The following FMN1 variants were observed in gnomAD, a reference collection of about 807,000 sequenced individuals.
The protein encoded by FMN1 is formin 1, also known as formin-1.
FMN1 carries 110 observed loss-of-function variants against 132.4 expected under a neutral mutation model. The ratio of observed to expected loss-of-function variants is 0.83; its 90% CI spans 0.71 to 0.97. FMN1 has a LOEUF of 0.97. Among genes scored for constraint, FMN1 ranks in the 50% least tolerant of loss-of-function variants. The pLI is 0.00. For missense variants in FMN1, 1,792 were observed against 1,705.3 expected (o/e 1.05, Z -0.90); for synonymous variants, 722 against 651.7 (o/e 1.11, Z -1.64).
At chr15:32,978,763 C>G (rs1168040390) in intron 7 of FMN1, among the ~76,000 whole-genome samples, 1 of 152,160 alleles carries the variant, frequency 6.6e-6, no homozygotes, top group Non-Finnish European at 1.5e-5. Context: ...TGTCTATAAA[C>G]GGATACTATC....
At chr15:33,170,598 A>G (rs1306741652) in intron 3 of FMN1, among the ~76,000 whole-genome samples, 1 of 152,004 alleles carries the variant, frequency 6.6e-6, no homozygotes, top group Middle Eastern at 3.2e-3. Flanking sequence ...AAGGACAAGA[A>G]TATTTCTCAA....
chr15:33,176,142 A>T (rs1171269417), intron 3 of FMN1, among the ~76,000 whole-genome samples: 2 of 152,096 alleles, frequency 1.3e-5, no homozygotes, highest in Admixed American at 6.5e-5. Flanking sequence ...TGGGAGGCCG[A>T]GGAGGGTGGA....
chr15:32,820,000 A>G (rs1371807237), intron 17 of FMN1, among the ~76,000 whole-genome samples: 6 of 152,244 alleles, frequency 3.9e-5, no homozygotes, highest in Admixed American at 6.5e-5. Flanking sequence ...CTGAATAATA[A>G]GTCCAGCTAC....
At chr15:32,806,916 C>G (rs1054992183) in intron 17 of FMN1, among the ~76,000 whole-genome samples, 3 of 152,198 alleles carry the variant, frequency 2.0e-5, no homozygotes, top group African/African-American at 7.2e-5. Context: ...CTTCCATAGC[C>G]TTCCCACAGC....
chr15:32,890,576 C>G (rs1249672782), intron 15 of FMN1, among the ~76,000 whole-genome samples: 1 of 152,196 alleles, frequency 6.6e-6, no homozygotes, highest in Non-Finnish European at 1.5e-5. Context: ...CTTTTGGGAA[C>G]TGTCCATTCA....
chr15:32,934,927 CTTTTTT>C lies in FMN1; in HGVS notation c.3139-8672_3139-8667del, dbSNP rs71309472. On this transcript the variant is annotated intron_variant, in intron 9 of 20. Transcript: ENST00000616417. ...TGGCCAAAAGACAATTTTTCTTTTT[CTTTTTT>C]TTTTTTTGAGACACAGTCTTGCTCT... 7.0e-4 allele frequency among the ~76,000 whole-genome samples: 99 copies of C among 141,432 alleles called. No individual in the cohort carries two copies. In the Middle Eastern group the frequency reaches 0.028, roughly 40 times the overall value. 92.8% of individuals were successfully genotyped at this position (141,432 alleles called of 152,430 possible).
chr15:32,911,086 C>G (rs777402984), intron 10 of FMN1, among the ~76,000 whole-genome samples: 1 of 152,136 alleles, frequency 6.6e-6, no homozygotes, highest in Non-Finnish European at 1.5e-5. Context: ...TTATGGAAAC[C>G]TCCCATGAGC....
At chr15:33,148,312 T>A (rs1259039925) in intron 4 of FMN1, among the ~76,000 whole-genome samples, 1 of 152,178 alleles carries the variant, frequency 6.6e-6, no homozygotes, top group Non-Finnish European at 1.5e-5. Flanking sequence ...TAGACGTCAT[T>A]CTACCGAAGT....
At chr15:32,936,189 G>T in intron 9 of FMN1, among the ~76,000 whole-genome samples, 1 of 151,944 alleles carries the variant, frequency 6.6e-6, no homozygotes, top group South Asian at 2.1e-4. Context: ...TGAATTATTT[G>T]TCAAGTAATT....
intron 6 of FMN1, among the ~76,000 whole-genome samples, chr15:33,057,013 T>C (rs1432962074): frequency 1.3e-5 from 2 of 151,998 alleles, no homozygotes; most frequent in Non-Finnish European, 2.9e-5. Flanking sequence ...CCATCTCTAC[T>C]AGAAATACAA....
intron 16 of FMN1, among the ~76,000 whole-genome samples, chr15:32,879,551 C>T (rs1486223543): frequency 1.3e-5 from 2 of 152,182 alleles, no homozygotes. Context: ...TGCAAGGCCT[C>T]TCAGGAATTT....
intron 4 of FMN1, among the ~76,000 whole-genome samples, chr15:33,128,232 G>C (rs1443286036): frequency 1.3e-5 from 2 of 151,876 alleles, no homozygotes; most frequent in Non-Finnish European, 2.9e-5. Flanking sequence ...AGCAACCAAA[G>C]ACCATAATTT....
chr15:33,128,361 G>A (rs1327235692), intron 4 of FMN1, among the ~76,000 whole-genome samples: 2 of 152,130 alleles, frequency 1.3e-5, no homozygotes, highest in Non-Finnish European at 1.5e-5. Flanking sequence ...ACGATCTCAA[G>A]GATTCACCAG....
chr15:32,797,861 T>C (rs2057340318), intron 19 of FMN1, among the ~76,000 whole-genome samples: 1 of 151,536 alleles, frequency 6.6e-6, no homozygotes, highest in Non-Finnish European at 1.5e-5. Context: ...ATATATTATG[T>C]ATATATCTTT....
intron 17 of FMN1, among the ~76,000 whole-genome samples, chr15:32,822,048 A>G (rs2058231833): frequency 2.6e-5 from 4 of 152,110 alleles, no homozygotes; most frequent in Admixed American, 2.6e-4. Context: ...TTCATTTTCA[A>G]CTTGAAGAAG....
intron 9 of FMN1, among the ~76,000 whole-genome samples, chr15:32,960,330 C>A (rs903701206): frequency 6.6e-6 from 1 of 152,152 alleles, no homozygotes; most frequent in African/African-American, 2.4e-5. Context: ...AAGGGAAATC[C>A]ACCCCCATGA....
chr15:33,106,927 A>C (rs2039509782), intron 4 of FMN1, among the ~76,000 whole-genome samples: 1 of 152,002 alleles, frequency 6.6e-6, no homozygotes, highest in African/African-American at 2.4e-5. Context: ...CTCAGTTTTA[A>C]ATATCATCTC....
At position 33,064,963 on chromosome 15, in the gene FMN1, C is replaced by CA. The variant is rs1396730904; in HGVS notation, c.2154dup (p.Glu719Ter). ...TAGCTTCCTTTCACATTACCTGCTT[C>CA]AGTGTACTTCAGTCCCACTTTTTCT... is the stretch of plus-strand genomic sequence containing the variant. On this transcript the variant is annotated frameshift_variant, in exon 6 of 21. Coordinates refer to ENST00000616417, the MANE Select transcript of FMN1 (RefSeq NM_001277313.2). LOFTEE classifies it high-confidence loss of function. 1 of 1,607,106 alleles carries CA rather than the reference C, an allele frequency of 6.2e-7. No individual in the cohort carries two copies. The highest frequency in any genetic ancestry group is 1.7e-5 in the Admixed American group (1 of 59,218).
chr15:32,884,024 A>G (rs193033795), intron 16 of FMN1, among the ~76,000 whole-genome samples: 1 of 152,288 alleles, frequency 6.6e-6, no homozygotes, highest in African/African-American at 2.4e-5. Flanking sequence ...TAGTTTCAGC[A>G]ATGCTGCACG....
Sources: gnomAD v4.1 joint callset for allele counts (sites outside exome capture counted in the v4.1 genomes callset) on GRCh38, gnomAD v4.1.1 for gene constraint, MANE v1.5 for transcripts, NCBI Gene and HGNC (gene_info 2026-07-23, HGNC 2026-07-21) for gene names.